Variants in P4HA3 observed in about 807,000 individuals in gnomAD.
P4HA3 encodes the protein prolyl 4-hydroxylase subunit alpha 3.
Under a neutral mutation model 66.7 loss-of-function variants are expected in P4HA3, and 60 were observed. The ratio of observed to expected loss-of-function variants is 0.90; its 90% CI spans 0.73 to 1.12. The LOEUF is 1.12. P4HA3 is among the 50% of genes most tolerant of loss of function. P4HA3 has a pLI of 0.00. For synonymous variants in P4HA3, 263 were observed against 274.6 expected, an observed-to-expected ratio of 0.96 and a Z score of 0.42; for missense variants, 683 against 685.8, an observed-to-expected ratio of 1.00 and a Z score of 0.05.
At chr11:74,261,202 TC>T (rs1345300597) in intron 14 of P4HA3, among the ~76,000 whole-genome samples, 1 of 152,134 alleles carries the variant, frequency 6.6e-6, no homozygotes, top group Non-Finnish European at 1.5e-5. Flanking sequence ...TGAGGGGTGG[TC>T]CCCAACCCCT....
At chr11:74,250,903 A>C in intron 15 of P4HA3, 9 of 1,479,590 alleles carry the variant, frequency 6.1e-6, no homozygotes, top group Non-Finnish European at 7.4e-6. Flanking sequence ...AGGCTGCATA[A>C]GAGAGGGCTC....
chr11:74,286,097 C>A, intron 6 of P4HA3, 112 bp from the exon 7 acceptor site: 1 of 1,474,262 alleles, frequency 6.8e-7, no homozygotes, highest in Non-Finnish European at 9.3e-7. Context: ...AGAATGTGGT[C>A]ACTCTGATGC....
intron 10 of P4HA3, 125 bp downstream of exon 10, chr11:74,273,420 C>T (rs1311554447): frequency 2.3e-6 from 2 of 869,256 alleles, no homozygotes; most frequent in Non-Finnish European, 3.2e-6. Context: ...CTGAAATTCG[C>T]AAAATTCCTG....
chr11:74,266,266 G>C (rs1182475591), downstream of P4HA3, among the ~76,000 whole-genome samples: 1 of 151,890 alleles, frequency 6.6e-6, no homozygotes, highest in African/African-American at 2.4e-5. Flanking sequence ...CATCCATGGG[G>C]AGTTTGTTCC....
At chr11:74,273,467 G>T in intron 10 of P4HA3, 78 bp downstream of exon 10, 1 of 1,274,460 alleles carries the variant, frequency 7.8e-7, no homozygotes, top group Non-Finnish European at 1.0e-6. Flanking sequence ...AAATCAATAC[G>T]TGAAATTGCT....
rs1385203025 is a variant in P4HA3, at chr11:74,302,440, C to G, written c.496G>C (p.Ala166Pro). Reference protein sequence around the residue: ...RGVFQRVTGSAITDLYSPKRL... With the variant: ...RGVFQRVTGSPITDLYSPKRL... ...TTGGGGCTGTACAGGTCAGTGATGG[C>G]AGAGCCAGTGACTCTCTGAAAGACA... The change falls in exon 3 of 13, where the codon GCC (alanine) becomes CCC (proline). Residue 166 changes from alanine (A) to proline (P), a missense_variant. By Grantham distance (27) the Ala-to-Pro change is conservative. Coordinates refer to ENST00000331597, the MANE Select transcript of P4HA3 (RefSeq NM_182904.5). 1 of 1,614,152 alleles carries G rather than the reference C, an allele frequency of 6.2e-7. No homozygotes were observed. Among genetic ancestry groups the G allele is most frequent in the East Asian group, 2.2e-5 (1 of 44,890 alleles).
At chr11:74,310,823 A>T (rs1247158813) in intron 1 of P4HA3, among the ~76,000 whole-genome samples, 1 of 152,202 alleles carries the variant, frequency 6.6e-6, no homozygotes, top group Non-Finnish European at 1.5e-5. Context: ...CATATGGTGG[A>T]AGACTGTCAC....
chr11:74,263,990 A>G (rs1366893755), downstream of P4HA3, among the ~76,000 whole-genome samples: 2 of 152,238 alleles, frequency 1.3e-5, no homozygotes, highest in East Asian at 3.8e-4. Context: ...TTAGAATTAG[A>G]TATCTATCTA....
intron 15 of P4HA3, among the ~76,000 whole-genome samples, chr11:74,258,959 C>A (rs772639589): frequency 1.3e-5 from 2 of 152,204 alleles, no homozygotes; most frequent in Non-Finnish European, 2.9e-5. Context: ...GACTGGGAAT[C>A]CCCACAGGGC....
At chr11:74,306,557 G>A (rs1861586621) in intron 1 of P4HA3, among the ~76,000 whole-genome samples, 1 of 152,196 alleles carries the variant, frequency 6.6e-6, no homozygotes, top group South Asian at 2.1e-4. Flanking sequence ...AAATGAACGT[G>A]TGCAAGAGCA....
intron 12 of P4HA3, 73 bp downstream of exon 12, chr11:74,268,072 T>A: frequency 2.3e-6 from 3 of 1,296,230 alleles, no homozygotes; most frequent in Non-Finnish European, 3.3e-6. Context: ...CTGTGGTAGG[T>A]CCCACCCATC....
intron 4 of P4HA3, among the ~76,000 whole-genome samples, chr11:74,295,477 A>G (rs541393361): frequency 3.3e-5 from 5 of 152,356 alleles, no homozygotes; most frequent in Admixed American, 3.3e-4. Context: ...ACTTTAGCAT[A>G]TTAACAATTC....
In P4HA3 at chr11:74,266,770, G is replaced by A; in HGVS notation, c.*478C>T. On this transcript the variant is annotated 3_prime_UTR_variant, in exon 13 of 13. Coordinates refer to ENST00000331597, the MANE Select transcript of P4HA3 (RefSeq NM_182904.5). ...ATAATGTACCACTCATCTGGGATAT[G>A]CTTCTGGGAGGGGGACACTCCCTGC... is the stretch of plus-strand genomic sequence containing the variant. 1 of 421,504 alleles carries A rather than the reference G, an allele frequency of 2.4e-6. No homozygotes were observed. Among genetic ancestry groups the A allele is most frequent in the Non-Finnish European group, 4.2e-6 (1 of 237,356 alleles). The allele number at this position is 421,504 out of a possible 1,614,324, so 26.1% of individuals were successfully genotyped here. A position where few individuals can be genotyped will look rare whatever the true frequency, so the allele number is the denominator to read the frequency against.
rs377723082 is a variant in P4HA3, at chr11:74,297,024, C to T, written c.717+1188G>A. On this transcript the variant is annotated intron_variant, in intron 4 of 12. Transcript: ENST00000331597. ...TCTGCTCACCACAACTTCCACCTCT[C>T]GGGCTCAAGCGATTCTCCTGCCTCA... is the stretch of plus-strand genomic sequence containing the variant. 4.7e-5 allele frequency among the ~76,000 whole-genome samples: 7 copies of T among 150,266 alleles called. No individual in the cohort carries two copies. In the East Asian group the frequency reaches 9.8e-4, roughly 21 times the overall value.
At chr11:74,268,425 C>T (rs1283002295) in intron 11 of P4HA3, among the ~76,000 whole-genome samples, 184 bp from the exon 12 acceptor site, 1 of 152,244 alleles carries the variant, frequency 6.6e-6, no homozygotes, top group Non-Finnish European at 1.5e-5. Context: ...GCATGGGTCA[C>T]TGACAGAGTC....
At chr11:74,291,132 T>C (rs1861008027) in intron 4 of P4HA3, among the ~76,000 whole-genome samples, 2 of 152,210 alleles carry the variant, frequency 1.3e-5, no homozygotes, top group Admixed American at 6.5e-5. Context: ...GAGCAGTGGT[T>C]TGTAGTTCTC....
intron 9 of P4HA3, among the ~76,000 whole-genome samples, chr11:74,273,858 G>A (rs1860295023): frequency 6.6e-6 from 1 of 152,096 alleles, no homozygotes; most frequent in African/African-American, 2.4e-5. Flanking sequence ...TGTCAGTAGT[G>A]AAAGTACTAT....
At chr11:74,306,541 GA>G (rs990703780) in intron 1 of P4HA3, among the ~76,000 whole-genome samples, 3 of 152,038 alleles carry the variant, frequency 2.0e-5, no homozygotes, top group East Asian at 1.9e-4. Flanking sequence ...TGTGCAAAGT[GA>G]AAAAAAATGA....
chr11:74,292,923 T>C (rs1288840242), intron 4 of P4HA3, among the ~76,000 whole-genome samples: 1 of 152,248 alleles, frequency 6.6e-6, no homozygotes, highest in Non-Finnish European at 1.5e-5. Context: ...GTATATTCTG[T>C]TGATTTGGGG....
Sources: gnomAD v4.1 joint callset for allele counts (sites outside exome capture counted in the v4.1 genomes callset) on GRCh38, gnomAD v4.1.1 for gene constraint, MANE v1.5 for transcripts, NCBI Gene and HGNC (gene_info 2026-07-23, HGNC 2026-07-21) for gene names.